The following TBL3 variants were observed in gnomAD, a reference collection of about 807,000 sequenced individuals.
The protein encoded by TBL3 is transducin beta-like protein 3.
Under a neutral mutation model 102.7 loss-of-function variants are expected in TBL3, and 71 were observed. The observed-to-expected ratio is 0.69, with a 90% CI of 0.57 to 0.84. The LOEUF (loss-of-function observed/expected upper bound fraction) is 0.84. TBL3 is among the 40% of genes least tolerant of loss of function. TBL3 has a pLI of 0.00. For synonymous variants in TBL3, 578 were observed against 477.7 expected, an observed-to-expected ratio of 1.21 and a Z score of -2.74; for missense variants, 1,188 against 1,098.5, an observed-to-expected ratio of 1.08 and a Z score of -1.15.
In TBL3 at chr16:1,979,415, T is replaced by A. The variant is rs1338377108; in HGVS notation, c.*730T>A. On this transcript the variant is annotated 3_prime_UTR_variant, in exon 22 of 22. Coordinates refer to ENST00000568546, the MANE Select transcript of TBL3 (RefSeq NM_006453.3). ...GCTAGCCTGCCCTGCCCACGCCCGC[T>A]CCCGCGTACCTGCATAGCCACCAGC... The A allele has an allele frequency of 6.2e-7, 1 of 1,605,378 alleles. No individual in the cohort carries two copies. Among genetic ancestry groups the A allele is most frequent in the Admixed American group, 1.7e-5 (1 of 59,800 alleles).
In TBL3 at chr16:1,980,756, G is replaced by A. The variant is rs2083491424; in HGVS notation, c.*2071G>A. 7 of 1,575,622 alleles carry A rather than the reference G, an allele frequency of 4.4e-6. No homozygotes were observed. The East Asian group carries it at 1.6e-4, about 36-fold the overall frequency. On this transcript the variant is annotated 3_prime_UTR_variant, in exon 22 of 22. Coordinates refer to ENST00000568546, the MANE Select transcript of TBL3 (RefSeq NM_006453.3). ...TCTGAGGGCGGGAACCAGGGCATTG[G>A]TCTTCCAGAGCCCACTGTGCACCCT...
In TBL3 at chr16:1,980,576, G is replaced by T. The variant is rs543601577; in HGVS notation, c.*1891G>T. ...GCACCACAAAAACGTACTGTGATAC[G>T]CCGCTTTGGGCTTCACTGGTCCCTG... is the stretch of plus-strand genomic sequence containing the variant. On this transcript the variant is annotated 3_prime_UTR_variant, in exon 22 of 22. Transcript: ENST00000568546. 62 of 1,595,044 alleles carry T rather than the reference G, an allele frequency of 3.9e-5. 1 individual carries two copies. The South Asian group carries it at 6.5e-4, about 17-fold the overall frequency.
chr16:1,975,188 T>C lies in TBL3; in HGVS notation c.637T>C (p.Ser213Pro). Residue 213 changes from serine to proline, a missense_variant and splice_region_variant, in exon 8 of 22, where the codon TCC becomes CCC. By Grantham distance (74) the Ser-to-Pro change is moderately conservative. Transcript: ENST00000568546. Reference protein sequence around the residue: ...FSADGHTMLSSGRDKICIIWD... With the variant: ...FSADGHTMLSPGRDKICIIWD... Reference sequence around the variant, plus strand: ...CTGAGGTTGCCGTTGCTCCTTCAGCTCCGGCCGTGACAAGATATGTATCAT... The same window carrying C: ...CTGAGGTTGCCGTTGCTCCTTCAGCCCCGGCCGTGACAAGATATGTATCAT... The C allele has an allele frequency of 1.9e-6, 3 of 1,613,788 alleles. No homozygotes were observed. Among genetic ancestry groups the C allele is most frequent in the Non-Finnish European group, 2.5e-6 (3 of 1,180,016 alleles).
chr16:1,978,195 G>A lies in TBL3; in HGVS notation c.2109G>A (p.Met703Ile), dbSNP rs199953411. The A allele has an allele frequency of 5.6e-6, 9 of 1,612,816 alleles. No homozygotes were observed. The East Asian group carries it at 2.0e-4, about 36-fold the overall frequency. ...CCTGCGAGAAGCTGGAAGCCACCAT[G>A]CTCCGACTGCGGCGCGACCAGAAAG... Reference protein sequence around the residue: ...PEACEKLEATMLRLRRDQKEA... With the variant: ...PEACEKLEATILRLRRDQKEA... Residue 703 changes from methionine (M) to isoleucine (I), a missense_variant, in exon 20 of 22, where the codon ATG (methionine) becomes ATA (isoleucine). Physicochemically the swap from Met to Ile is conservative, Grantham distance 10 (BLOSUM62 1). Coordinates refer to ENST00000568546, the MANE Select transcript of TBL3 (RefSeq NM_006453.3).
chr16:1,980,273 C>G lies in TBL3; in HGVS notation c.*1588C>G. 1 of 1,517,258 alleles carries G rather than the reference C, an allele frequency of 6.6e-7. No individual in the cohort carries two copies. Among genetic ancestry groups the G allele is most frequent in the Non-Finnish European group, 8.8e-7 (1 of 1,131,050 alleles). The allele number at this position is 1,517,258 out of a possible 1,614,324, so 94.0% of individuals were successfully genotyped here. ...CCGGCAAGACCGCCAGCCTCCCACT[C>G]TCTGCCCCTATTCGCTGGCTGTTCC... On this transcript the variant is annotated 3_prime_UTR_variant, in exon 22 of 22. Coordinates refer to ENST00000568546, the MANE Select transcript of TBL3 (RefSeq NM_006453.3).
Position 1,977,387 on chromosome 16 carries a change from A to T in TBL3, c.1703A>T (p.Lys568Met), listed in dbSNP as rs895133019. 1 of 1,543,282 alleles carries T rather than the reference A, an allele frequency of 6.5e-7. No homozygotes were observed. The highest frequency in any genetic ancestry group is 8.8e-7 in the Non-Finnish European group (1 of 1,136,416). Reference sequence around the variant, plus strand: ...GAGGGGCACGATGCTTCTGTGCTGAAGGTGGCCTTTGTGAGCCGTGGCACG... The same window carrying T: ...GAGGGGCACGATGCTTCTGTGCTGATGGTGGCCTTTGTGAGCCGTGGCACG... ...TFEGHDASVL[K>M]VAFVSRGTQL... The change falls in exon 16 of 22, where the codon AAG becomes ATG. Residue 568 changes from lysine to methionine, a missense_variant. Coordinates refer to ENST00000568546, the MANE Select transcript of TBL3 (RefSeq NM_006453.3).
chr16:1,974,501 T>C (rs1446037314), intron 4 of TBL3, 37 bp from the exon 5 acceptor site: 1 of 1,587,018 alleles, frequency 6.3e-7, no homozygotes, highest in Non-Finnish European at 8.6e-7. Context: ...GTGAGCAGGG[T>C]ATTGCTGCCC....
rs931339654 is a variant in TBL3 at position 1,982,649 on chromosome 16, C to G, written c.*3964C>G. On this transcript the variant is annotated 3_prime_UTR_variant, in exon 22 of 22. Coordinates refer to ENST00000568546, the MANE Select transcript of TBL3 (RefSeq NM_006453.3). ...ACAAAATCCACTCCAAGGACAGACA[C>G]AGTGCCTCACCTGTAATCCAAGTAC... 1 of 152,376 alleles carries G rather than the reference C, an allele frequency of 6.6e-6. No homozygotes were observed. The highest frequency in any genetic ancestry group is 2.4e-5 in the African/African-American group (1 of 41,424). The allele number at this position is 152,376 out of a possible 1,614,324, so 9.4% of individuals were successfully genotyped here. A position where few individuals can be genotyped will look rare whatever the true frequency, so the allele number is the denominator to read the frequency against.
At chr16:1,974,739 C>T (rs1241757683) in intron 5 of TBL3, 24 bp from the exon 6 acceptor site, 3 of 1,611,924 alleles carry the variant, frequency 1.9e-6, no homozygotes, top group Admixed American at 1.7e-5. Context: ...GGGCATTCCA[C>T]CCCCTCACCT....
chr16:1,974,634 G>A lies in TBL3; in HGVS notation c.334G>A (p.Val112Met), dbSNP rs138822494. The A allele has an allele frequency of 4.5e-5, 73 of 1,609,884 alleles. No homozygotes were observed. The highest frequency in any genetic ancestry group is 2.3e-4 in the African/African-American group (17 of 75,022). Residue 112 changes from valine (V) to methionine (M), a missense_variant, in exon 5 of 22, where the codon GTG (valine) becomes ATG (methionine). Val to Met is a conservative substitution (Grantham distance 21). Coordinates refer to ENST00000568546, the MANE Select transcript of TBL3 (RefSeq NM_006453.3). The stretch of plus-strand genomic sequence containing the variant: ...GTGGAAGGCGATACACACGGCCCCC[G>A]TGGCCACCATGGCCTTCGACCCCAC... Reference protein sequence around the residue: ...RLWKAIHTAPVATMAFDPTST... With the variant: ...RLWKAIHTAPMATMAFDPTST...
At position 1,979,848 on chromosome 16, in the gene TBL3, G is replaced by C. The variant is rs750953595; in HGVS notation, c.*1163G>C. 1 of 1,580,564 alleles carries C rather than the reference G, an allele frequency of 6.3e-7. No homozygotes were observed. Among genetic ancestry groups the C allele is most frequent in the Non-Finnish European group, 8.6e-7 (1 of 1,164,570 alleles). On this transcript the variant is annotated 3_prime_UTR_variant, in exon 22 of 22. Transcript: ENST00000568546. ...CTTGGCCCGGGGCCGCCTCCTCCAG[G>C]TAGGGCGCTGGAAACCAGGCGGTCT...
Position 1,978,538 on chromosome 16 carries a change from C to T in TBL3, c.2294-14C>T. The T allele has an allele frequency of 3.8e-6, 6 of 1,599,480 alleles. No individual in the cohort carries two copies. The highest frequency in any genetic ancestry group is 5.1e-6 in the Non-Finnish European group (6 of 1,170,612). Reference sequence around the variant, plus strand: ...TGTGGACCACCCCCCTGACCTCCCTCTGTCCAACCCCAGAGCGGCACTTTC... The same window carrying T: ...TGTGGACCACCCCCCTGACCTCCCTTTGTCCAACCCCAGAGCGGCACTTTC... On this transcript the variant is annotated splice_polypyrimidine_tract_variant and intron_variant, in intron 21 of 21. Transcript: ENST00000568546.
chr16:1,982,888 A>G lies in TBL3; in HGVS notation c.*4203A>G, dbSNP rs537842939. The G allele has an allele frequency of 3.3e-5, 5 of 150,636 alleles. No homozygotes were observed. Among genetic ancestry groups the G allele is most frequent in the African/African-American group, 4.9e-5 (2 of 40,536 alleles). The allele number at this position is 150,636 out of a possible 1,614,324, so 9.3% of individuals were successfully genotyped here. A position where few individuals can be genotyped will look rare whatever the true frequency, so the allele number is the denominator to read the frequency against. On this transcript the variant is annotated 3_prime_UTR_variant, in exon 22 of 22. Transcript: ENST00000568546. ...GAACAAGATCGCGCCACTGCACTCC[A>G]CCCTGGGTAACGGAACAAGACCCTG...
At position 1,977,953 on chromosome 16, in the gene TBL3, C is replaced by T. The variant is rs749590436; in HGVS notation, c.1959-5C>T. 1 of 1,593,462 alleles carries T rather than the reference C, an allele frequency of 6.3e-7. No individual in the cohort carries two copies. Among genetic ancestry groups the T allele is most frequent in the Non-Finnish European group, 8.5e-7 (1 of 1,170,090 alleles). ...CCTCAGTGGCCTCTCCTCCCCTCCCCACAGGCAGCAAGAGCTGGACAACCT... is the reference window on the plus strand; with the variant it reads ...CCTCAGTGGCCTCTCCTCCCCTCCCTACAGGCAGCAAGAGCTGGACAACCT... On this transcript the variant is annotated splice_region_variant and splice_polypyrimidine_tract_variant and intron_variant, in intron 18 of 21. Transcript: ENST00000568546.
intron 1 of TBL3, among the ~76,000 whole-genome samples, chr16:1,973,398 C>G (rs1164617981): frequency 6.6e-6 from 1 of 152,110 alleles, no homozygotes; most frequent in Non-Finnish European, 1.5e-5. Context: ...CCACTGCACT[C>G]CAGCCTGGGC....
Position 1,976,064 on chromosome 16 carries a change from C to T in TBL3, c.1138C>T (p.Leu380=), listed in dbSNP as rs1313607794. 1.9e-6 allele frequency: 3 copies of T among 1,614,200 alleles called. No homozygotes were observed. Among genetic ancestry groups the T allele is most frequent in the Admixed American group, 1.7e-5 (1 of 60,028 alleles). Residue 380 remains leucine (L), a synonymous_variant, in exon 12 of 22, where the codon CTG becomes TTG. Coordinates refer to ENST00000568546, the MANE Select transcript of TBL3 (RefSeq NM_006453.3). The stretch of plus-strand genomic sequence containing the variant: ...TCCCCACAACATCTCAGATATCGTC[C>T]TGGCCCTGGATGTGTTCCGGAAGGG... ...QILHGHTDIV[L]ALDVFRKGWL... is the part of the protein sequence containing the mutation.
At position 1,974,640 on chromosome 16, in the gene TBL3, A is replaced by C. The variant is rs1032153522; in HGVS notation, c.340A>C (p.Thr114Pro). 1.2e-6 allele frequency: 2 copies of C among 1,609,490 alleles called. No homozygotes were observed. The highest frequency in any genetic ancestry group is 2.7e-5 in the African/African-American group (2 of 74,886). ...WKAIHTAPVA[T>P]MAFDPTSTLL... Reference sequence around the variant, plus strand: ...GGCGATACACACGGCCCCCGTGGCCACCATGGCCTTCGACCCCACCTCCAC... The same window carrying C: ...GGCGATACACACGGCCCCCGTGGCCCCCATGGCCTTCGACCCCACCTCCAC... Residue 114 changes from threonine to proline, a missense_variant, in exon 5 of 22, where the codon ACC becomes CCC. Thr to Pro is a conservative substitution (Grantham distance 38, BLOSUM62 -1). Transcript: ENST00000568546.
At chr16:1,977,915 C>T (rs1237648988) in intron 18 of TBL3, 43 bp from the exon 19 acceptor site, 2 of 1,590,536 alleles carry the variant, frequency 1.3e-6, no homozygotes, top group South Asian at 1.1e-5. Flanking sequence ...TGCCTGCAGC[C>T]CCAGCCAGCG....
In TBL3 at chr16:1,982,901, G is replaced by C. The variant is rs1255731997; in HGVS notation, c.*4216G>C. The C allele has an allele frequency of 6.8e-6, 1 of 147,866 alleles. No individual in the cohort carries two copies. Among genetic ancestry groups the C allele is most frequent in the Non-Finnish European group, 1.5e-5 (1 of 67,748 alleles). 9.2% of individuals were successfully genotyped at this position (147,866 alleles called of 1,614,324 possible). ...CCACTGCACTCCACCCTGGGTAACG[G>C]AACAAGACCCTGTCTCAAAAAAAAA... On this transcript the variant is annotated 3_prime_UTR_variant, in exon 22 of 22. Coordinates refer to ENST00000568546, the MANE Select transcript of TBL3 (RefSeq NM_006453.3).
Sources: gnomAD v4.1 joint callset for allele counts (sites outside exome capture counted in the v4.1 genomes callset) on GRCh38, gnomAD v4.1.1 for gene constraint, MANE v1.5 for transcripts, NCBI Gene and HGNC (gene_info 2026-07-23, HGNC 2026-07-21) for gene names.